ADAMTS6: variants seen among roughly 807,000 people sequenced by gnomAD.
ADAMTS6 encodes A disintegrin and metalloproteinase with thrombospondin motifs 6.
A neutral mutation model predicts 144.3 loss-of-function variants in ADAMTS6; 23 were observed. The observed-to-expected ratio is 0.16, with a 90% CI of 0.11 to 0.23. The LOEUF (loss-of-function observed/expected upper bound fraction) is 0.23. Ranked by LOEUF, ADAMTS6 falls within the 10% of genes least tolerant of loss-of-function variation. The pLI is 1.00. For missense variants in ADAMTS6, 999 were observed against 1,379.6 expected (o/e 0.72, Z 4.37); for synonymous variants, 444 against 457.5 (o/e 0.97, Z 0.38).
chr5:65,247,242 A>G (rs929934700), intron 14 of ADAMTS6, among the ~76,000 whole-genome samples: 8 of 152,040 alleles, frequency 5.3e-5, no homozygotes, highest in Non-Finnish European at 1.2e-4. Flanking sequence ...CTTTATCACC[A>G]CTCTCTTTCC....
chr5:65,348,109 G>A (rs755573626), intron 7 of ADAMTS6, among the ~76,000 whole-genome samples: 21 of 152,010 alleles, frequency 1.4e-4, no homozygotes, highest in Non-Finnish European at 1.6e-4. Context: ...ACAGTGTGGA[G>A]GACCCTCCAA....
At chr5:65,174,987 G>A (rs1753880288) in intron 22 of ADAMTS6, among the ~76,000 whole-genome samples, 1 of 152,262 alleles carries the variant, frequency 6.6e-6, no homozygotes, top group South Asian at 2.1e-4. Context: ...AGGTGGGTTG[G>A]CCATCAGAAG....
At chr5:65,278,943 C>CTT (rs59600636) in intron 11 of ADAMTS6, among the ~76,000 whole-genome samples, 3 of 132,056 alleles carry the variant, frequency 2.3e-5, no homozygotes, top group African/African-American at 2.8e-5. Context: ...TCTTTACAGT[C>CTT]TTTTTTTTTT....
chr5:65,248,078 C>T (rs1440139803), intron 14 of ADAMTS6, among the ~76,000 whole-genome samples: 3 of 152,110 alleles, frequency 2.0e-5, no homozygotes, highest in Non-Finnish European at 4.4e-5. Flanking sequence ...CACAAAGGTA[C>T]CATATGCGCT....
chr5:65,361,840 C>G (rs1488530678), intron 7 of ADAMTS6, among the ~76,000 whole-genome samples: 1 of 151,864 alleles, frequency 6.6e-6, no homozygotes, highest in Admixed American at 6.6e-5. Flanking sequence ...CTCAGGCCAT[C>G]CTTCCACTTC....
chr5:65,373,163 C>T (rs1367637170), intron 7 of ADAMTS6, among the ~76,000 whole-genome samples: 2 of 149,960 alleles, frequency 1.3e-5, no homozygotes, highest in Non-Finnish European at 3.0e-5. Context: ...CAGGAAAGAT[C>T]CAAAATTGAC....
chr5:65,386,306 A>T (rs1310737431), intron 7 of ADAMTS6, among the ~76,000 whole-genome samples: 1 of 152,126 alleles, frequency 6.6e-6, no homozygotes, highest in Admixed American at 6.6e-5. Context: ...TGTATATTTA[A>T]ACACTCCCCT....
chr5:65,329,028 T>A (rs554619387), intron 9 of ADAMTS6, among the ~76,000 whole-genome samples: 4 of 152,094 alleles, frequency 2.6e-5, no homozygotes, highest in Admixed American at 1.3e-4. Flanking sequence ...ATACATTTTA[T>A]GGTAGTGACG....
chr5:65,256,639 T>C (rs543871726), intron 14 of ADAMTS6: 1 of 152,174 alleles, frequency 6.6e-6, no homozygotes, highest in African/African-American at 2.4e-5. Flanking sequence ...ATCTAACATA[T>C]AACTCATGAA....
chr5:65,326,340 C>T (rs538728728), intron 9 of ADAMTS6, among the ~76,000 whole-genome samples: 2 of 152,242 alleles, frequency 1.3e-5, no homozygotes, highest in Admixed American at 1.3e-4. Context: ...CTATATTAAA[C>T]CTAGACATGT....
At chr5:65,475,131 T>C (rs890593676) in intron 1 of ADAMTS6, among the ~76,000 whole-genome samples, 1 of 151,826 alleles carries the variant, frequency 6.6e-6, no homozygotes, top group Non-Finnish European at 1.5e-5. Context: ...AATGGATGAG[T>C]AAAAGAATGA....
intron 7 of ADAMTS6, among the ~76,000 whole-genome samples, chr5:65,407,985 C>T (rs554852941): frequency 1.4e-4 from 22 of 152,078 alleles, no homozygotes; most frequent in Non-Finnish European, 2.1e-4. Flanking sequence ...CTTACAAGGG[C>T]TTCTGAAAGA....
intron 21 of ADAMTS6, among the ~76,000 whole-genome samples, chr5:65,194,625 C>T (rs1407146543): frequency 6.6e-6 from 1 of 151,958 alleles, no homozygotes; most frequent in Non-Finnish European, 1.5e-5. Flanking sequence ...AGTCTGAATT[C>T]AAAAGACTAA....
chr5:65,306,357 A>G (rs1267434135), intron 9 of ADAMTS6, among the ~76,000 whole-genome samples: 2 of 152,236 alleles, frequency 1.3e-5, no homozygotes, highest in African/African-American at 4.8e-5. Flanking sequence ...TTGTGAGTGT[A>G]TGGGAGTTAC....
chr5:65,347,184 T>C (rs954980013), intron 7 of ADAMTS6, among the ~76,000 whole-genome samples: 7 of 150,340 alleles, frequency 4.7e-5, no homozygotes, highest in Admixed American at 4.0e-4. Flanking sequence ...TTCACAGAAA[T>C]AGAAAAAAAA....
chr5:65,210,349 G>A (rs1006755191), intron 20 of ADAMTS6: 2 of 163,860 alleles, frequency 1.2e-5, no homozygotes, highest in African/African-American at 4.8e-5. Context: ...TACACGGGAG[G>A]CTGAGGCAGG....
intron 11 of ADAMTS6, among the ~76,000 whole-genome samples, chr5:65,282,216 G>A (rs1239786442): frequency 6.6e-6 from 1 of 152,066 alleles, no homozygotes; most frequent in East Asian, 1.9e-4. Context: ...TGCCCAAGGT[G>A]GTCAGGCTAC....
At chr5:65,333,749 T>C (rs950787203) in intron 8 of ADAMTS6, among the ~76,000 whole-genome samples, 1 of 151,656 alleles carries the variant, frequency 6.6e-6, no homozygotes, top group Non-Finnish European at 1.5e-5. Flanking sequence ...GATTTATAAT[T>C]CTTTAATGAA....
intron 24 of ADAMTS6, among the ~76,000 whole-genome samples, chr5:65,153,336 C>T (rs888054199): frequency 6.6e-6 from 1 of 152,204 alleles, no homozygotes; most frequent in African/African-American, 2.4e-5. Flanking sequence ...AAACTTTTCA[C>T]ACCAGGATTC....
Sources: gnomAD v4.1 joint callset for allele counts (sites outside exome capture counted in the v4.1 genomes callset) on GRCh38, gnomAD v4.1.1 for gene constraint, MANE v1.5 for transcripts, NCBI Gene and HGNC (gene_info 2026-07-23, HGNC 2026-07-21) for gene names.